Variants in PAX7 observed in about 807,000 individuals in gnomAD.
The protein encoded by PAX7 is paired box 7, also known as paired box protein Pax-7.
PAX7 carries 18 observed loss-of-function variants against 50.7 expected under a neutral mutation model. The ratio of observed to expected loss-of-function variants is 0.36; its 90% confidence interval spans 0.25 to 0.53. PAX7 has a LOEUF of 0.53. Ranked by LOEUF, PAX7 falls within the 20% of genes least tolerant of loss-of-function variation. The probability of loss-of-function intolerance (pLI) is 0.93; values close to 1 mark genes in which losing one functional copy is unlikely to be tolerated. For synonymous variants in PAX7, 310 were observed against 290.4 expected, an observed-to-expected ratio of 1.07 and a Z score of -0.69; for missense variants, 644 against 702.9, an observed-to-expected ratio of 0.92 and a Z score of 0.95.
intron 4 of PAX7, among the ~76,000 whole-genome samples, chr1:18,643,081 A>G (rs1165372186): frequency 6.6e-6 from 1 of 151,994 alleles, no homozygotes; most frequent in Non-Finnish European, 1.5e-5. Flanking sequence ...CAGCCTCGGG[A>G]GGGGTGAAGG....
At chr1:18,730,406 T>C (rs902489337) in intron 7 of PAX7, among the ~76,000 whole-genome samples, 2 of 151,886 alleles carry the variant, frequency 1.3e-5, no homozygotes, top group African/African-American at 4.8e-5. Flanking sequence ...GGTGGGGCTC[T>C]GTGTCCTGCC....
intron 7 of PAX7, among the ~76,000 whole-genome samples, chr1:18,714,841 C>T (rs939397343): frequency 2.6e-5 from 4 of 152,188 alleles, no homozygotes; most frequent in African/African-American, 9.7e-5. Context: ...AGCTGCATGG[C>T]TTGGTGGGAA....
intron 7 of PAX7, among the ~76,000 whole-genome samples, chr1:18,729,812 A>G (rs2089623647): frequency 6.6e-6 from 1 of 151,888 alleles, no homozygotes; most frequent in East Asian, 1.9e-4. Flanking sequence ...AAAGCCTCAC[A>G]CTCCTGCTCC....
chr1:18,650,665 C>T (rs2088417011), intron 4 of PAX7, among the ~76,000 whole-genome samples: 1 of 152,222 alleles, frequency 6.6e-6, no homozygotes, highest in Admixed American at 6.5e-5. Flanking sequence ...CCACTGGTCT[C>T]ATGCAACACC....
chr1:18,734,935 T>TG (rs2089691979), intron 7 of PAX7, among the ~76,000 whole-genome samples: 1 of 152,146 alleles, frequency 6.6e-6, no homozygotes, highest in Non-Finnish European at 1.5e-5. Flanking sequence ...AAGCCTCCCC[T>TG]GGTAGTCTGT....
chr1:18,706,431 T>G (rs1028623628), intron 7 of PAX7, among the ~76,000 whole-genome samples: 7 of 150,802 alleles, frequency 4.6e-5, no homozygotes, highest in Admixed American at 4.6e-4. Flanking sequence ...CTGGAAGGAA[T>G]TTTTTTCTTT....
At chr1:18,685,294 G>A (rs1353754593) in intron 4 of PAX7, among the ~76,000 whole-genome samples, 5 of 152,194 alleles carry the variant, frequency 3.3e-5, no homozygotes, top group South Asian at 4.1e-4. Context: ...GTGCAAGTTC[G>A]GGGGGTGACT....
intron 4 of PAX7, 84 bp from the exon 5 acceptor site, chr1:18,691,670 G>A: frequency 8.0e-7 from 1 of 1,247,904 alleles, no homozygotes. Context: ...GGGCACGAGT[G>A]TGCCTTGTGC....
At chr1:18,656,310 A>G (rs1273631995) in intron 4 of PAX7, among the ~76,000 whole-genome samples, 1 of 152,096 alleles carries the variant, frequency 6.6e-6, no homozygotes, top group Non-Finnish European at 1.5e-5. Flanking sequence ...CCTGGACAAC[A>G]TGGTGAAGCC....
At chr1:18,651,978 A>G (rs187201668) in intron 4 of PAX7, among the ~76,000 whole-genome samples, 50 of 152,158 alleles carry the variant, frequency 3.3e-4, no homozygotes, top group East Asian at 1.2e-3. Context: ...ACCCGGGACA[A>G]GAATGGAAGT....
chr1:18,646,125 CTT>C (rs2088334185), intron 4 of PAX7, among the ~76,000 whole-genome samples: 1 of 152,264 alleles, frequency 6.6e-6, no homozygotes, highest in Non-Finnish European at 1.5e-5. Context: ...CCCGTTCTAC[CTT>C]TTCCATGGGG....
intron 7 of PAX7, among the ~76,000 whole-genome samples, chr1:18,725,095 G>A (rs1274162162): frequency 2.0e-5 from 3 of 152,226 alleles, no homozygotes; most frequent in East Asian, 1.9e-4. Context: ...GGGAAACTGA[G>A]GCTTGTTTAT....
At chr1:18,671,999 A>AT (rs1302080430) in intron 4 of PAX7, among the ~76,000 whole-genome samples, 1 of 152,028 alleles carries the variant, frequency 6.6e-6, no homozygotes, top group African/African-American at 2.4e-5. Context: ...AAGTAAATAA[A>AT]TAACTAAATA....
rs761503724 is a variant in PAX7, at chr1:18,631,600, A to T, written c.-4A>T. 2.5e-6 allele frequency: 4 copies of T among 1,611,990 alleles called. No individual in the cohort carries two copies. The South Asian group carries it at 4.4e-5, about 18-fold the overall frequency. On this transcript the variant is annotated 5_prime_UTR_variant, in exon 1 of 9. Coordinates refer to ENST00000420770, the MANE Select transcript of PAX7 (RefSeq NM_001135254.2). ...CTTTGGATTCGTCCCCGGCGTGCGC[A>T]AGAATGGCGGCCCTTCCCGGCACGG...
intron 4 of PAX7, among the ~76,000 whole-genome samples, chr1:18,648,683 T>G (rs1305297599): frequency 1.3e-5 from 2 of 152,100 alleles, no homozygotes; most frequent in South Asian, 4.2e-4. Flanking sequence ...GTGTGGGATG[T>G]GCTGGGGAGG....
chr1:18,707,396 T>C (rs2089296266), intron 7 of PAX7, among the ~76,000 whole-genome samples: 1 of 147,548 alleles, frequency 6.8e-6, no homozygotes, highest in Admixed American at 7.0e-5. Flanking sequence ...TCCTTTTCTT[T>C]CCTTTTCTTT....
chr1:18,671,995 A>T (rs60910557), intron 4 of PAX7, among the ~76,000 whole-genome samples: 17,639 of 151,944 alleles, frequency 0.12, 1,204 homozygotes, highest in East Asian at 0.27. Flanking sequence ...AAAAAAGTAA[A>T]TAAATAACTA....
At chr1:18,734,711 A>G (rs2089689832) in intron 7 of PAX7, among the ~76,000 whole-genome samples, 1 of 152,066 alleles carries the variant, frequency 6.6e-6, no homozygotes, top group South Asian at 2.1e-4. Context: ...CTTTGCTAGT[A>G]GCTTCCCTCA....
At chr1:18,693,447 A>G (rs1323809874) in intron 5 of PAX7, among the ~76,000 whole-genome samples, 2 of 152,192 alleles carry the variant, frequency 1.3e-5, no homozygotes, top group Admixed American at 1.3e-4. Flanking sequence ...AGCCAGGCCC[A>G]GCTGCTGGCA....
Sources: allele counts gnomAD v4.1 joint callset (sites outside exome capture counted in the v4.1 genomes callset), GRCh38; gene constraint gnomAD v4.1.1; transcripts MANE v1.5; gene names NCBI Gene and HGNC (gene_info 2026-07-23, HGNC 2026-07-21).